The following PREP variants were observed in gnomAD, a reference collection of about 807,000 sequenced individuals.
The protein encoded by PREP is prolyl endopeptidase.
A neutral mutation model predicts 87.6 loss-of-function variants in PREP; 29 were observed. The observed-to-expected ratio is 0.33, with a 90% confidence interval of 0.25 to 0.45. The LOEUF (loss-of-function observed/expected upper bound fraction) is 0.45. PREP is among the 20% of genes least tolerant of loss of function. The pLI is 1.00. For synonymous variants in PREP, 337 were observed against 328.6 expected (o/e 1.03, Z -0.28); for missense variants, 695 against 886.5 (o/e 0.78, Z 2.74).
intron 10 of PREP, among the ~76,000 whole-genome samples, chr6:105,304,792 C>T (rs1770620867): frequency 6.6e-6 from 1 of 152,010 alleles, no homozygotes; most frequent in South Asian, 2.1e-4. Context: ...TAGAGTCTTG[C>T]CTGAAAATCC....
intron 7 of PREP, among the ~76,000 whole-genome samples, chr6:105,351,004 G>C (rs1392903665): frequency 3.3e-5 from 5 of 152,094 alleles, no homozygotes; most frequent in Non-Finnish European, 7.3e-5. Flanking sequence ...TTTGCCAAAC[G>C]CATCAGTAAA....
In PREP at chr6:105,277,037, C is replaced by A. The variant is rs1278950011; in HGVS notation, c.*1107G>T. On this transcript the variant is annotated 3_prime_UTR_variant, in exon 15 of 15. Transcript: ENST00000652536. ...TGTTTTAAGTTAGATCAGCATTTCC[C>A]AAACTGATACTCAAAGGAACATTGT... Among the ~76,000 whole-genome samples, 2 of 151,778 alleles carry A rather than the reference C, an allele frequency of 1.3e-5. No individual in the cohort carries two copies. The highest frequency in any genetic ancestry group is 1.3e-4 in the Admixed American group (2 of 15,230).
intron 10 of PREP, among the ~76,000 whole-genome samples, chr6:105,291,609 C>T (rs1032233422): frequency 2.0e-5 from 3 of 152,154 alleles, no homozygotes; most frequent in Admixed American, 1.3e-4. Context: ...CCTCAAACAT[C>T]GGACTCCAGG....
intron 2 of PREP, among the ~76,000 whole-genome samples, chr6:105,391,856 T>C (rs1329875173): frequency 6.6e-6 from 1 of 152,150 alleles, no homozygotes; most frequent in Non-Finnish European, 1.5e-5. Context: ...GAGGGAAATT[T>C]AGAAAGGTAA....
At chr6:105,331,967 C>G (rs1771346885) in intron 8 of PREP, among the ~76,000 whole-genome samples, 1 of 152,118 alleles carries the variant, frequency 6.6e-6, no homozygotes, top group South Asian at 2.1e-4. Context: ...GGGACTGTGC[C>G]TGGAAATCCA....
chr6:105,392,214 A>G (rs1773169844), intron 2 of PREP, among the ~76,000 whole-genome samples: 1 of 151,710 alleles, frequency 6.6e-6, no homozygotes, highest in African/African-American at 2.4e-5. Flanking sequence ...AATTTTATGT[A>G]TTTTTAGTAC....
intron 8 of PREP, among the ~76,000 whole-genome samples, chr6:105,331,180 T>C (rs976771630): frequency 3.9e-5 from 6 of 152,236 alleles, no homozygotes; most frequent in Non-Finnish European, 2.9e-5. Flanking sequence ...TCTGTGCTAA[T>C]GATATATGGC....
At chr6:105,380,673 G>T (rs1488564102) in intron 2 of PREP, among the ~76,000 whole-genome samples, 1 of 152,096 alleles carries the variant, frequency 6.6e-6, no homozygotes. Flanking sequence ...TTCCCAGAGG[G>T]CCTCACCAGA....
At chr6:105,290,046 C>A (rs982454823) in intron 10 of PREP, among the ~76,000 whole-genome samples, 1 of 151,978 alleles carries the variant, frequency 6.6e-6, no homozygotes, top group Non-Finnish European at 1.5e-5. Flanking sequence ...TTGAAACCTG[C>A]CAAGAAACAG....
rs1770204764 is a variant in PREP at position 105,287,154 on chromosome 6, T to A, written c.1455-1574A>T. Reference sequence around the variant, plus strand: ...CCTGAGGCTTGCATTCTTAGACTAATAATCACAAAGAATAATATGGCATGT... The same window carrying A: ...CCTGAGGCTTGCATTCTTAGACTAAAAATCACAAAGAATAATATGGCATGT... On this transcript the variant is annotated intron_variant, in intron 11 of 14. Transcript: ENST00000652536. 2.0e-5 allele frequency among the ~76,000 whole-genome samples: 3 copies of A among 152,046 alleles called. No individual in the cohort carries two copies. In the South Asian group the frequency reaches 6.2e-4, roughly 32 times the overall value.
intron 2 of PREP, among the ~76,000 whole-genome samples, chr6:105,396,187 G>A (rs1338941242): frequency 6.6e-6 from 1 of 152,134 alleles, no homozygotes; most frequent in Non-Finnish European, 1.5e-5. Flanking sequence ...TCTCATCCAT[G>A]AGATCTTTGT....
At chr6:105,317,159 T>C (rs898556833) in intron 10 of PREP, among the ~76,000 whole-genome samples, 4 of 151,968 alleles carry the variant, frequency 2.6e-5, no homozygotes, top group African/African-American at 9.7e-5. Context: ...AGTCTTGCTA[T>C]GTTACCCAGG....
chr6:105,379,307 A>G (rs1480730095), intron 2 of PREP, among the ~76,000 whole-genome samples: 1 of 152,202 alleles, frequency 6.6e-6, no homozygotes, highest in Non-Finnish European at 1.5e-5. Flanking sequence ...AACATTTAAA[A>G]TATTTACTAT....
At chr6:105,392,964 T>C (rs1249946490) in intron 2 of PREP, among the ~76,000 whole-genome samples, 1 of 152,216 alleles carries the variant, frequency 6.6e-6, no homozygotes, top group African/African-American at 2.4e-5. Flanking sequence ...ATACCTCTCA[T>C]GCGTCTCTAA....
chr6:105,330,311 G>A (rs987350095), intron 8 of PREP, among the ~76,000 whole-genome samples: 5 of 152,162 alleles, frequency 3.3e-5, no homozygotes, highest in African/African-American at 9.7e-5. Flanking sequence ...GCAACAAGCC[G>A]GGGAGAACAC....
At chr6:105,386,767 A>G (rs1311623407) in intron 2 of PREP, among the ~76,000 whole-genome samples, 1 of 152,164 alleles carries the variant, frequency 6.6e-6, no homozygotes, top group East Asian at 1.9e-4. Flanking sequence ...GTCTTGGAAA[A>G]CAGATTTATA....
chr6:105,323,624 A>G (rs1215334289), intron 10 of PREP, 41 bp downstream of exon 10: 1 of 1,527,714 alleles, frequency 6.5e-7, no homozygotes. Flanking sequence ...TGAAAGTCAG[A>G]CTTCCTAACT....
At chr6:105,389,880 G>A (rs1225403614) in intron 2 of PREP, among the ~76,000 whole-genome samples, 13 of 152,048 alleles carry the variant, frequency 8.5e-5, no homozygotes, top group Admixed American at 8.5e-4. Flanking sequence ...TAACCCCAGA[G>A]ACCAAAAACA....
chr6:105,364,100 C>A (rs1051625057), intron 6 of PREP, among the ~76,000 whole-genome samples: 1 of 152,138 alleles, frequency 6.6e-6, no homozygotes, highest in African/African-American at 2.4e-5. Flanking sequence ...GGAAAACTAA[C>A]AGGGTGAATA....
Sources: allele counts gnomAD v4.1 joint callset (sites outside exome capture counted in the v4.1 genomes callset), GRCh38; gene constraint gnomAD v4.1.1; transcripts MANE v1.5; gene names NCBI Gene and HGNC (gene_info 2026-07-23, HGNC 2026-07-21).